Variants in ELMO1 observed in about 807,000 individuals in gnomAD.
ELMO1 encodes engulfment and cell motility 1.
A neutral mutation model predicts 98.9 loss-of-function variants in ELMO1; 26 were observed. The ratio of observed to expected loss-of-function variants is 0.26; its 90% CI spans 0.19 to 0.36. The LOEUF is 0.36. Among genes scored for constraint, ELMO1 ranks in the 10% least tolerant of loss-of-function variants. The probability of loss-of-function intolerance (pLI) is 1.00; values close to 1 mark genes in which losing one functional copy is unlikely to be tolerated. For missense variants in ELMO1, 627 were observed against 935.2 expected (o/e 0.67, Z 4.30); for synonymous variants, 346 against 346.0 (o/e 1.00, Z 0.00).
chr7:37,324,374 C>T (rs12668348), intron 2 of ELMO1, among the ~76,000 whole-genome samples: 9,301 of 146,850 alleles, frequency 0.063, 328 homozygotes, highest in Middle Eastern at 0.14. Context: ...ACTTCTCCGG[C>T]CTCTGCCTGC....
intron 6 of ELMO1, among the ~76,000 whole-genome samples, chr7:37,251,459 C>T (rs1189454835): frequency 6.6e-6 from 1 of 152,218 alleles, no homozygotes; most frequent in Non-Finnish European, 1.5e-5. Flanking sequence ...GACTTTGCTC[C>T]ATGGCCCCAC....
At chr7:37,204,645 A>G (rs1476597244) in intron 13 of ELMO1, among the ~76,000 whole-genome samples, 3 of 152,126 alleles carry the variant, frequency 2.0e-5, no homozygotes, top group Non-Finnish European at 2.9e-5. Context: ...CCCCGCCCAT[A>G]TCCTGCCGAT....
intron 8 of ELMO1, among the ~76,000 whole-genome samples, chr7:37,231,104 G>A (rs928622673): frequency 1.2e-4 from 18 of 152,144 alleles, no homozygotes; most frequent in East Asian, 1.2e-3. Context: ...GGTTCCTTTT[G>A]CTCATCCCCT....
rs142159815 is a variant in ELMO1, at chr7:37,281,676, A to C, written c.193-9794T>G. Among the ~76,000 whole-genome samples the C allele has an allele frequency of 1.3e-3, 194 of 152,314 alleles. 2 individuals carry two copies. Among genetic ancestry groups the C allele is most frequent in the African/African-American group, 4.5e-3 (188 of 41,576 alleles). Reference sequence around the variant, plus strand: ...TTTACTATGATCCCAAGTAATTCTGATGCAAAATGAAGTTCAGAATCGTCA... The same window carrying C: ...TTTACTATGATCCCAAGTAATTCTGCTGCAAAATGAAGTTCAGAATCGTCA... On this transcript the variant is annotated intron_variant, in intron 4 of 21. Transcript: ENST00000310758.
intron 4 of ELMO1, among the ~76,000 whole-genome samples, chr7:37,304,937 GTGTGAC>G (rs1335156979): frequency 6.6e-6 from 1 of 152,178 alleles, no homozygotes; most frequent in Non-Finnish European, 1.5e-5. Flanking sequence ...CCACAGTGGA[GTGTGAC>G]TGTGCAAAGT....
chr7:37,190,584 G>T lies in ELMO1; in HGVS notation c.1086+20802C>A, dbSNP rs181704256. On this transcript the variant is annotated intron_variant, in intron 13 of 21. Coordinates refer to ENST00000310758, the MANE Select transcript of ELMO1 (RefSeq NM_014800.11). ...GTGATCTTGGCTCACTGCAACCTCT[G>T]CCTCCAGGGTTCAAGTGATTCTCCT... Among the ~76,000 whole-genome samples the T allele has an allele frequency of 8.5e-5, 13 of 152,184 alleles. No individual in the cohort carries two copies. The East Asian group carries it at 2.5e-3, about 30-fold the overall frequency.
At chr7:37,254,940 T>C (rs1014441533) in intron 6 of ELMO1, among the ~76,000 whole-genome samples, 4 of 152,222 alleles carry the variant, frequency 2.6e-5, no homozygotes, top group African/African-American at 9.7e-5. Flanking sequence ...GTCTGAGGAA[T>C]AGTGAATCTT....
intron 7 of ELMO1, among the ~76,000 whole-genome samples, chr7:37,238,961 T>A (rs1794615819): frequency 6.6e-6 from 1 of 152,202 alleles, no homozygotes; most frequent in South Asian, 2.1e-4. Context: ...GATTTTTGCA[T>A]CTGGTCTATA....
chr7:37,054,854 G>C (rs1230641914), intron 15 of ELMO1, among the ~76,000 whole-genome samples: 1 of 152,138 alleles, frequency 6.6e-6, no homozygotes, highest in African/African-American at 2.4e-5. Flanking sequence ...TTGAAAACCT[G>C]TTATAAAAAT....
At chr7:37,240,240 T>C (rs970944891) in intron 7 of ELMO1, among the ~76,000 whole-genome samples, 2 of 152,002 alleles carry the variant, frequency 1.3e-5, no homozygotes, top group Non-Finnish European at 2.9e-5. Flanking sequence ...GTTTTTGCCA[T>C]GTTACCCAGG....
intron 16 of ELMO1, among the ~76,000 whole-genome samples, chr7:36,959,308 T>C (rs1344542357): frequency 6.6e-6 from 1 of 152,100 alleles, no homozygotes; most frequent in Non-Finnish European, 1.5e-5. Flanking sequence ...TCTTTTAAAA[T>C]CTGGCAGATC....
chr7:36,869,483 G>T (rs1803331459), intron 20 of ELMO1, among the ~76,000 whole-genome samples: 1 of 152,178 alleles, frequency 6.6e-6, no homozygotes, highest in Non-Finnish European at 1.5e-5. Flanking sequence ...TAAATAGATT[G>T]TGTATCATTT....
At chr7:37,057,271 T>C (rs73121114) in intron 15 of ELMO1, among the ~76,000 whole-genome samples, 2,293 of 151,786 alleles carry the variant, frequency 0.015, 22 homozygotes, top group Non-Finnish European at 0.023. Context: ...ACAGTTGTCA[T>C]GTGTTTTGAA....
rs1005515016 is a variant in ELMO1, at chr7:37,192,542, A to G, written c.1086+18844T>C. ...GGGCCGGGCGCAGTGGTTCACACCT[A>G]TAATCCAGCAATTTGGGAGGCCAAG... On this transcript the variant is annotated intron_variant, in intron 13 of 21. Coordinates refer to ENST00000310758, the MANE Select transcript of ELMO1 (RefSeq NM_014800.11). 3.1e-4 allele frequency among the ~76,000 whole-genome samples: 46 copies of G among 148,726 alleles called. 1 individual carries two copies. Among genetic ancestry groups the G allele is most frequent in the African/African-American group, 1.1e-3 (45 of 40,280 alleles).
intron 16 of ELMO1, among the ~76,000 whole-genome samples, chr7:36,945,384 G>A (rs760420411): frequency 2.0e-5 from 3 of 152,142 alleles, no homozygotes; most frequent in Non-Finnish European, 4.4e-5. Context: ...GAAAGAAGTT[G>A]GAGCAGAAAA....
chr7:37,044,347 A>G (rs1795688133), intron 15 of ELMO1, among the ~76,000 whole-genome samples: 1 of 152,210 alleles, frequency 6.6e-6, no homozygotes, highest in Admixed American at 6.5e-5. Context: ...ATGTGAGTGT[A>G]CACTTCCTGC....
Position 37,188,487 on chromosome 7 carries a change from T to TAAAAAA in ELMO1, c.1086+22893_1086+22898dup, listed in dbSNP as rs869157346. On this transcript the variant is annotated intron_variant, in intron 13 of 21. Coordinates refer to ENST00000310758, the MANE Select transcript of ELMO1 (RefSeq NM_014800.11). ...ACACACACAGGCCACTGGAGAAAGG[T>TAAAAAA]AAAAAAAAAAAAAAAATAATAATAA... Among the ~76,000 whole-genome samples, 189 of 31,964 alleles carry TAAAAAA rather than the reference T, an allele frequency of 5.9e-3. 5 individuals are homozygous for TAAAAAA. Among genetic ancestry groups the TAAAAAA allele is most frequent in the East Asian group, 0.04 (32 of 802 alleles). The allele number at this position is 31,964 out of a possible 152,430, so 21.0% of individuals were successfully genotyped here.
intron 2 of ELMO1, among the ~76,000 whole-genome samples, chr7:37,327,295 AG>A (rs1373293197): frequency 1.3e-5 from 2 of 152,254 alleles, no homozygotes; most frequent in Non-Finnish European, 2.9e-5. Flanking sequence ...ATGTGTGTCA[AG>A]TTCACCTTTG....
At chr7:37,011,728 A>C (rs1012406414) in intron 16 of ELMO1, among the ~76,000 whole-genome samples, 1 of 152,218 alleles carries the variant, frequency 6.6e-6, no homozygotes, top group Admixed American at 6.5e-5. Flanking sequence ...TTCACACAGC[A>C]GCACATGAAA....
Sources: allele counts gnomAD v4.1 joint callset (sites outside exome capture counted in the v4.1 genomes callset), GRCh38; gene constraint gnomAD v4.1.1; transcripts MANE v1.5; gene names NCBI Gene and HGNC (gene_info 2026-07-23, HGNC 2026-07-21).